CD163L1: variants seen among roughly 807,000 people sequenced by gnomAD.
CD163L1 encodes the protein CD163 molecule like 1, also known as scavenger receptor cysteine-rich type 1 protein M160.
CD163L1 carries 124 observed loss-of-function variants against 165.4 expected under a neutral mutation model. The observed-to-expected ratio is 0.75, with a 90% CI of 0.65 to 0.87. CD163L1 has a LOEUF of 0.87. CD163L1 is among the 40% of genes least tolerant of loss of function. The pLI is 0.00. For synonymous variants in CD163L1, 585 were observed against 662.2 expected, an observed-to-expected ratio of 0.88 and a Z score of 1.79; for missense variants, 1,525 against 1,799.9, an observed-to-expected ratio of 0.85 and a Z score of 2.76.
chr12:7,375,533 CGTT>C lies in CD163L1; in HGVS notation c.2746_2748del (p.Asn916del). The C allele has an allele frequency of 6.2e-7, 1 of 1,613,936 alleles. No homozygotes were observed. The highest frequency in any genetic ancestry group is 2.2e-5 in the East Asian group (1 of 44,890). On this transcript the variant is annotated inframe_deletion, in exon 11 of 20. Coordinates refer to ENST00000313599, the MANE Select transcript of CD163L1 (RefSeq NM_174941.6). ...CACAGTGAGCCCCAGTGTCCAAGCACGTTGATCTCCACTTGCCCGTCACACTGG... is the reference window on the plus strand; with the variant it reads ...CACAGTGAGCCCCAGTGTCCAAGCACGATCTCCACTTGCCCGTCACACTGG...
At chr12:7,377,888 A>T (rs1303808738) in intron 9 of CD163L1, among the ~76,000 whole-genome samples, 1 of 152,154 alleles carries the variant, frequency 6.6e-6, no homozygotes, top group Non-Finnish European at 1.5e-5. Context: ...CTCAATTTAC[A>T]TTTTATTCCT....
chr12:7,331,757 G>A, the CD163L1 span, among the ~76,000 whole-genome samples: 1 of 152,138 alleles, frequency 6.6e-6, no homozygotes, highest in Non-Finnish European at 1.5e-5. Context: ...AAACAGAAAG[G>A]ACATCCACAC....
Position 7,374,583 on chromosome 12 carries a change from G to A in CD163L1, c.3268C>T (p.His1090Tyr). 6.2e-7 allele frequency: 1 copy of A among 1,614,180 alleles called. No homozygotes were observed. Among genetic ancestry groups the A allele is most frequent in the African/African-American group, 1.3e-5 (1 of 75,048 alleles). The change falls in exon 13 of 20, where the codon CAC becomes TAC. Residue 1090 changes from histidine (H) to tyrosine (Y), a missense_variant. By Grantham distance (83) the His-to-Tyr change is moderately conservative (BLOSUM62 2). Coordinates refer to ENST00000313599, the MANE Select transcript of CD163L1 (RefSeq NM_174941.6). This position sits in a 1 kb window ranked among gnomAD's most constrained non-coding sequence, Gnocchi z 5.4. ...GVAFNATVSA[H>Y]FGEGSGPIWL... ...ATGGGCCCTGACCCCTCCCCAAAGT[G>A]AGCAGAGACCGTGGCATTGAAGGCC...
At chr12:7,422,548 G>A (rs976318536) in intron 4 of CD163L1, among the ~76,000 whole-genome samples, 1 of 151,130 alleles carries the variant, frequency 6.6e-6, no homozygotes, top group African/African-American at 2.4e-5. Flanking sequence ...CTTGAAAAAA[G>A]GTTAAAGAAC....
Position 7,398,708 on chromosome 12 carries a change from T to G in CD163L1, c.1409-124A>C. 1.4e-6 allele frequency: 1 copy of G among 740,150 alleles called. No homozygotes were observed. The highest frequency in any genetic ancestry group is 2.0e-6 in the Non-Finnish European group (1 of 509,352). 45.8% of individuals were successfully genotyped at this position (740,150 alleles called of 1,614,324 possible). On this transcript the variant is annotated intron_variant, in intron 6 of 19. Transcript: ENST00000313599. The surrounding 1 kb of genome is among the most constrained non-coding windows in gnomAD (Gnocchi z 4.5). Reference sequence around the variant, plus strand: ...AACAGGTGATATATTAGGCACACTTTTGAATGAAAAGTTTGGTTTTCTTTC... The same window carrying G: ...AACAGGTGATATATTAGGCACACTTGTGAATGAAAAGTTTGGTTTTCTTTC...
chr12:7,325,492 C>A, the CD163L1 span, among the ~76,000 whole-genome samples: 1 of 152,082 alleles, frequency 6.6e-6, no homozygotes, highest in Non-Finnish European at 1.5e-5. Flanking sequence ...ACTAAAAATA[C>A]AAAAATTAGC....
chr12:7,421,470 TATAC>T (rs1419813241), intron 4 of CD163L1, among the ~76,000 whole-genome samples: 3 of 124,814 alleles, frequency 2.4e-5, no homozygotes, highest in African/African-American at 6.7e-5. Flanking sequence ...TATACATATA[TATAC>T]ATATATGTAC....
intron 1 of CD163L1, 141 bp from the exon 2 acceptor site, chr12:7,441,387 G>C (rs1177825834): frequency 1.6e-6 from 1 of 619,476 alleles, no homozygotes; most frequent in Non-Finnish European, 2.8e-6. Context: ...GCACAAGAAA[G>C]TCCTTTTCCC....
Position 7,398,653 on chromosome 12 carries a change from C to CTAG in CD163L1, c.1409-70_1409-69insCTA. ...GTCTTTTCAGAAGACTGAAAAGACT[C>CTAG]TCTAAATTCACGACTATAAGGCTTT... is the stretch of plus-strand genomic sequence containing the variant. On this transcript the variant is annotated intron_variant, in intron 6 of 19. Transcript: ENST00000313599. This position sits in a 1 kb window ranked among gnomAD's most constrained non-coding sequence, Gnocchi z 4.5. The CTAG allele has an allele frequency of 7.4e-7, 1 of 1,351,242 alleles. No individual in the cohort carries two copies. The highest frequency in any genetic ancestry group is 2.3e-5 in the East Asian group (1 of 42,728). The allele number at this position is 1,351,242 out of a possible 1,614,324, so 83.7% of individuals were successfully genotyped here. A position where few individuals can be genotyped will look rare whatever the true frequency, so the allele number is the denominator to read the frequency against.
intron 4 of CD163L1, among the ~76,000 whole-genome samples, chr12:7,422,696 T>G (rs2136600868): frequency 6.7e-6 from 1 of 149,070 alleles, no homozygotes; most frequent in African/African-American, 2.4e-5. Context: ...TATTCATATA[T>G]ATACATGTAT....
chr12:7,403,860 G>A lies in CD163L1; in HGVS notation c.1088-5C>T. On this transcript the variant is annotated splice_region_variant and splice_polypyrimidine_tract_variant and intron_variant, in intron 5 of 19. Transcript: ENST00000313599. Reference sequence around the variant, plus strand: ...GCAGTTCCAAATCTGCTCCATCTAGGATGAAGTCACAGAGAAACGTCTGAA... The same window carrying A: ...GCAGTTCCAAATCTGCTCCATCTAGAATGAAGTCACAGAGAAACGTCTGAA... 1 of 1,610,270 alleles carries A rather than the reference G, an allele frequency of 6.2e-7. No individual in the cohort carries two copies. Among genetic ancestry groups the A allele is most frequent in the Non-Finnish European group, 8.5e-7 (1 of 1,177,904 alleles).
chr12:7,343,972 G>A (rs1946653057), downstream of CD163L1, among the ~76,000 whole-genome samples: 1 of 152,120 alleles, frequency 6.6e-6, no homozygotes, highest in African/African-American at 2.4e-5. Context: ...ATGCAATGGG[G>A]TACACAGTGG....
At chr12:7,386,717 CA>C (rs1555197312) in intron 8 of CD163L1, among the ~76,000 whole-genome samples, 2 of 150,718 alleles carry the variant, frequency 1.3e-5, no homozygotes, top group Non-Finnish European at 3.0e-5. Flanking sequence ...GAATGAATGA[CA>C]AAAACCATAT....
At chr12:7,441,120 G>A (rs987193589) in intron 2 of CD163L1, 34 bp downstream of exon 2, 1 of 1,482,808 alleles carries the variant, frequency 6.7e-7, no homozygotes, top group Non-Finnish European at 9.4e-7. Context: ...ATAGAGGATT[G>A]TAAGCCCAAA....
Position 7,396,338 on chromosome 12 carries a change from G to A in CD163L1, c.1807C>T (p.Arg603Trp), listed in dbSNP as rs114545892. Residue 603 changes from arginine to tryptophan, a missense_variant, in exon 8 of 20, where the codon CGG becomes TGG. Arg to Trp is a moderately radical substitution (Grantham distance 101, BLOSUM62 -3). Coordinates refer to ENST00000313599, the MANE Select transcript of CD163L1 (RefSeq NM_174941.6). ...SGRLEVYFQG[R>W]WGTVCDDGWN... ...CCGTCATCACACACTGTGCCCCACC[G>A]TCCTTGAAAGTACACCTCCAGTCTT... The A allele has an allele frequency of 1.5e-3, 2,431 of 1,613,986 alleles. 31 individuals carry two copies. In the African/African-American group the frequency reaches 0.028, roughly 18 times the overall value.
In CD163L1 at chr12:7,374,554, C is replaced by A. The variant is rs373033454; in HGVS notation, c.3297G>T (p.Trp1099Cys). The change falls in exon 13 of 20, where the codon TGG becomes TGT. Residue 1099 changes from tryptophan to cysteine, a missense_variant. By Grantham distance (215) the Trp-to-Cys change is radical. Transcript: ENST00000313599. This position sits in a 1 kb window ranked among gnomAD's most constrained non-coding sequence, Gnocchi z 5.4. ...TTCCTGTGCAGTTCAGGTCATCCAG[C>A]CAGATGGGCCCTGACCCCTCCCCAA... ...AHFGEGSGPIWLDDLNCTGME... is the reference protein window; with the variant it reads ...AHFGEGSGPICLDDLNCTGME... The A allele has an allele frequency of 1.9e-6, 3 of 1,614,124 alleles. No homozygotes were observed. Among genetic ancestry groups the A allele is most frequent in the Non-Finnish European group, 2.5e-6 (3 of 1,180,052 alleles).
At chr12:7,332,992 T>C in the CD163L1 span, among the ~76,000 whole-genome samples, 1 of 152,098 alleles carries the variant, frequency 6.6e-6, no homozygotes, top group Non-Finnish European at 1.5e-5. Context: ...GACTGGCAAA[T>C]TGGATAAAGA....
rs370152524 is a variant in CD163L1, at chr12:7,406,790, G to C, written c.829C>G (p.Leu277Val). The C allele has an allele frequency of 1.2e-6, 2 of 1,613,938 alleles. No homozygotes were observed. Among genetic ancestry groups the C allele is most frequent in the Non-Finnish European group, 1.7e-6 (2 of 1,179,966 alleles). Residue 277 changes from leucine (L) to valine (V), a missense_variant, in exon 5 of 20, where the codon CTG becomes GTG. Transcript: ENST00000313599. ...GTNRCMGRVE[L>V]KIQGRWGTVC... ...GTCCCCCACCTTCCTTGGATTTTCA[G>C]CTCTACTCTCCCCATACAGCGGTTA... is the stretch of plus-strand genomic sequence containing the variant.
In CD163L1 at chr12:7,375,341, T is replaced by A. The variant is rs764336743; in HGVS notation, c.2941A>T (p.Met981Leu). The A allele has an allele frequency of 1.2e-6, 2 of 1,614,020 alleles. No homozygotes were observed. Among genetic ancestry groups the A allele is most frequent in the East Asian group, 4.5e-5 (2 of 44,886 alleles). ...CAGGGAGGTGCTCCAAGAACTGTCATTTGACAGTTATCCAGAAGTGACTCA... is the reference window on the plus strand; with the variant it reads ...CAGGGAGGTGCTCCAAGAACTGTCAATTGACAGTTATCCAGAAGTGACTCA... The part of the protein sequence containing the change: ...GNESLLDNCQ[M>L]TVLGAPPCIH... Residue 981 changes from methionine to leucine, a missense_variant, in exon 11 of 20, where the codon ATG becomes TTG. Transcript: ENST00000313599.
Sources: gnomAD v4.1 joint callset for allele counts (sites outside exome capture counted in the v4.1 genomes callset) on GRCh38, gnomAD v4.1.1 for gene constraint, Gnocchi (gnomAD v3.1) non-coding constraint, MANE v1.5 for transcripts, NCBI Gene and HGNC (gene_info 2026-07-23, HGNC 2026-07-21) for gene names.